GRM1: variants seen among roughly 807,000 people sequenced by gnomAD.
The protein encoded by GRM1 is metabotropic glutamate receptor 1.
GRM1 carries 33 observed loss-of-function variants against 90.9 expected under a neutral mutation model. The observed-to-expected ratio is 0.36, with a 90% CI of 0.28 to 0.49. The LOEUF (loss-of-function observed/expected upper bound fraction) is 0.49. GRM1 is among the 20% of genes least tolerant of loss of function. GRM1 has a pLI of 0.99. For missense variants in GRM1, 1,190 were observed against 1,534.3 expected (o/e 0.78, Z 3.75); for synonymous variants, 700 against 613.2 (o/e 1.14, Z -2.09).
chr6:146,090,514 C>G (rs1323128833), intron 1 of GRM1, among the ~76,000 whole-genome samples: 1 of 152,102 alleles, frequency 6.6e-6, no homozygotes, highest in Non-Finnish European at 1.5e-5. Context: ...AGTTTTTACA[C>G]TAAAATGCGG....
At chr6:146,372,314 A>AT (rs891750370) in intron 5 of GRM1, among the ~76,000 whole-genome samples, 2 of 151,824 alleles carry the variant, frequency 1.3e-5, no homozygotes, top group Non-Finnish European at 1.5e-5. Flanking sequence ...GGATTATCAG[A>AT]TTTTTTTCCT....
intron 2 of GRM1, among the ~76,000 whole-genome samples, chr6:146,249,459 G>A (rs1781195123): frequency 6.6e-6 from 1 of 152,278 alleles, no homozygotes; most frequent in Non-Finnish European, 1.5e-5. Context: ...CAGCTCAGCT[G>A]TAGCTTCAGA....
At chr6:146,038,435 G>A (rs1790971163) in intron 1 of GRM1, among the ~76,000 whole-genome samples, 1 of 152,006 alleles carries the variant, frequency 6.6e-6, no homozygotes, top group Non-Finnish European at 1.5e-5. Flanking sequence ...ATACAGATAA[G>A]ATGCAACAGT....
intron 2 of GRM1, among the ~76,000 whole-genome samples, chr6:146,201,559 G>C (rs1779297665): frequency 6.6e-6 from 1 of 152,140 alleles, no homozygotes; most frequent in East Asian, 1.9e-4. Flanking sequence ...TCTCTTTTAG[G>C]GACACTAATT....
chr6:146,274,748 ATAACT>A (rs1782292472), intron 2 of GRM1, among the ~76,000 whole-genome samples: 1 of 152,258 alleles, frequency 6.6e-6, no homozygotes, highest in Admixed American at 6.5e-5. Flanking sequence ...AAAACAGAGG[ATAACT>A]TAGCTTAGCT....
chr6:146,393,824 A>T (rs1346381999), intron 6 of GRM1, among the ~76,000 whole-genome samples: 1 of 152,158 alleles, frequency 6.6e-6, no homozygotes, highest in African/African-American at 2.4e-5. Flanking sequence ...CCCAAGCAAA[A>T]GGAACAAAGC....
chr6:146,385,757 A>C (rs990186907), intron 5 of GRM1, among the ~76,000 whole-genome samples: 2 of 152,052 alleles, frequency 1.3e-5, no homozygotes, highest in African/African-American at 4.8e-5. Flanking sequence ...TATAAAATAA[A>C]TATGTGGAAG....
chr6:146,430,902 T>C (rs1778383227), intron 7 of GRM1, among the ~76,000 whole-genome samples: 1 of 152,204 alleles, frequency 6.6e-6, no homozygotes, highest in Non-Finnish European at 1.5e-5. Flanking sequence ...AGCATCTACA[T>C]ACATTTAAAA....
chr6:146,034,906 C>T (rs993826954), intron 1 of GRM1, among the ~76,000 whole-genome samples: 10 of 151,884 alleles, frequency 6.6e-5, no homozygotes, highest in Admixed American at 2.0e-4. Context: ...GACTTAATTT[C>T]GGTTACTAAG....
chr6:146,416,353 A>G (rs10214823), intron 7 of GRM1, among the ~76,000 whole-genome samples: 2,409 of 152,080 alleles, frequency 0.016, 83 homozygotes, highest in African/African-American at 0.055. Context: ...TTAATATTCA[A>G]CTTTCTCCTG....
intron 7 of GRM1, among the ~76,000 whole-genome samples, chr6:146,429,704 C>T (rs942876133): frequency 3.9e-5 from 6 of 152,122 alleles, no homozygotes; most frequent in African/African-American, 1.2e-4. Flanking sequence ...AGAACTGTCC[C>T]GAAGTCTGTG....
chr6:146,104,515 A>G (rs1012054038), intron 1 of GRM1, among the ~76,000 whole-genome samples: 2 of 152,206 alleles, frequency 1.3e-5, no homozygotes, highest in African/African-American at 4.8e-5. Context: ...AACGAAAGAT[A>G]CCTAAAGAAG....
At chr6:146,121,401 T>A (rs181131531) in intron 1 of GRM1, among the ~76,000 whole-genome samples, 1 of 152,320 alleles carries the variant, frequency 6.6e-6, no homozygotes, top group Admixed American at 6.5e-5. Flanking sequence ...CTGGATTCAT[T>A]GATTTTTTGA....
intron 3 of GRM1, among the ~76,000 whole-genome samples, chr6:146,325,086 T>A (rs1784357929): frequency 6.6e-6 from 1 of 152,162 alleles, no homozygotes; most frequent in Non-Finnish European, 1.5e-5. Flanking sequence ...TGGAAGAGCT[T>A]GTCAACAAAA....
intron 1 of GRM1, among the ~76,000 whole-genome samples, chr6:146,072,658 G>A (rs965518790): frequency 1.2e-4 from 19 of 152,134 alleles, no homozygotes; most frequent in South Asian, 6.2e-4. Context: ...AGGAATATAC[G>A]TTGAAATATG....
At chr6:146,257,035 G>A (rs1183278874) in intron 2 of GRM1, among the ~76,000 whole-genome samples, 1 of 152,056 alleles carries the variant, frequency 6.6e-6, no homozygotes, top group Non-Finnish European at 1.5e-5. Context: ...TCCACCTAAA[G>A]AATAGTCTCT....
intron 1 of GRM1, among the ~76,000 whole-genome samples, chr6:146,108,044 A>G (rs1237135297): frequency 6.6e-6 from 1 of 152,200 alleles, no homozygotes; most frequent in Non-Finnish European, 1.5e-5. Flanking sequence ...AAATGTATAT[A>G]AATATATGTG....
chr6:146,434,774 A>G lies in GRM1; in HGVS notation c.3563A>G (p.Lys1188Arg). Residue 1188 changes from lysine to arginine, a missense_variant, in exon 8 of 8, where the codon AAG (lysine) becomes AGG (arginine). Transcript: ENST00000282753. ...SYASVILRDY[K>R]QSSSTL ...GCCTCTGTCATTCTGCGGGACTACAAGCAAAGCTCTTCCACCCTGTAAGGG... is the reference window on the plus strand; with the variant it reads ...GCCTCTGTCATTCTGCGGGACTACAGGCAAAGCTCTTCCACCCTGTAAGGG... 1 of 1,599,380 alleles carries G rather than the reference A, an allele frequency of 6.3e-7. No homozygotes were observed. The highest frequency in any genetic ancestry group is 8.5e-7 in the Non-Finnish European group (1 of 1,179,826).
intron 1 of GRM1, among the ~76,000 whole-genome samples, chr6:146,144,428 A>G (rs902328059): frequency 2.0e-5 from 3 of 152,190 alleles, no homozygotes; most frequent in African/African-American, 7.2e-5. Flanking sequence ...TTGAGCTACC[A>G]CACTCAACCT....
Sources: allele counts gnomAD v4.1 joint callset (sites outside exome capture counted in the v4.1 genomes callset), GRCh38; gene constraint gnomAD v4.1.1; transcripts MANE v1.5; gene names NCBI Gene and HGNC (gene_info 2026-07-23, HGNC 2026-07-21).